The following SPOCK1 variants were observed in gnomAD, a reference collection of about 807,000 sequenced individuals.
SPOCK1 encodes testican-1.
A neutral mutation model predicts 55.3 loss-of-function variants in SPOCK1; 23 were observed. The ratio of observed to expected loss-of-function variants is 0.42; its 90% confidence interval spans 0.30 to 0.59. The LOEUF is 0.59. SPOCK1 is among the 20% of genes least tolerant of loss of function. The probability of loss-of-function intolerance (pLI) is 0.22; values close to 1 mark genes in which losing one functional copy is unlikely to be tolerated. For synonymous variants in SPOCK1, 226 were observed against 221.0 expected (o/e 1.02, Z -0.20); for missense variants, 499 against 552.5 (o/e 0.90, Z 0.97).
intron 2 of SPOCK1, among the ~76,000 whole-genome samples, chr5:137,348,654 C>T (rs1413579347): frequency 6.6e-6 from 1 of 152,028 alleles, no homozygotes; most frequent in Non-Finnish European, 1.5e-5. Context: ...GACCAAGTAT[C>T]AGAAATATGT....
intron 3 of SPOCK1, among the ~76,000 whole-genome samples, chr5:137,151,834 C>A (rs979269353): frequency 4.6e-5 from 7 of 152,204 alleles, no homozygotes; most frequent in African/African-American, 1.7e-4. Flanking sequence ...AAAGCATTTG[C>A]AGTTCCCCAG....
chr5:137,191,437 T>C (rs1755176587), intron 3 of SPOCK1, among the ~76,000 whole-genome samples: 1 of 151,806 alleles, frequency 6.6e-6, no homozygotes, highest in African/African-American at 2.4e-5. Flanking sequence ...CAGTAGACTC[T>C]AAGACACAAA....
chr5:137,140,087 TCCTGAGAA>T (rs1396863123), intron 4 of SPOCK1, among the ~76,000 whole-genome samples: 1 of 152,090 alleles, frequency 6.6e-6, no homozygotes, highest in Non-Finnish European at 1.5e-5. Flanking sequence ...GGTGTGGTGG[TCCTGAGAA>T]GGCAGGACCC....
rs1378484477 is a variant in SPOCK1 at position 136,977,514 on chromosome 5, A to G, written c.*1140T>C. The G allele has an allele frequency of 3.2e-6, 1 of 308,836 alleles. No homozygotes were observed. Among genetic ancestry groups the G allele is most frequent in the Non-Finnish European group, 5.9e-6 (1 of 170,334 alleles). The allele number at this position is 308,836 out of a possible 1,614,324, so 19.1% of individuals were successfully genotyped here. ...GCAAAACATTGAGTTCAGAATTAGA[A>G]ATTTTCTTCTTTTAAGGAACACCAT... On this transcript the variant is annotated 3_prime_UTR_variant, in exon 11 of 11. Transcript: ENST00000394945.
chr5:137,062,736 A>C (rs1364988017), intron 6 of SPOCK1, among the ~76,000 whole-genome samples: 3 of 150,346 alleles, frequency 2.0e-5, no homozygotes, highest in East Asian at 2.0e-4. Context: ...CCTGAAAAAA[A>C]CAAAAAAATG....
intron 2 of SPOCK1, among the ~76,000 whole-genome samples, chr5:137,485,379 G>T (rs780025719): frequency 2.0e-5 from 3 of 152,214 alleles, no homozygotes; most frequent in Non-Finnish European, 4.4e-5. Context: ...TTGGATGTAT[G>T]AGCTAGATTA....
At chr5:137,339,541 T>C (rs560129035) in intron 2 of SPOCK1, among the ~76,000 whole-genome samples, 8 of 152,294 alleles carry the variant, frequency 5.3e-5, no homozygotes, top group African/African-American at 9.6e-5. Flanking sequence ...CAGCTTCCAA[T>C]GGCATTTATG....
At chr5:137,498,699 G>T in intron 1 of SPOCK1, 141 bp from the exon 2 acceptor site, 6 of 559,146 alleles carry the variant, frequency 1.1e-5, no homozygotes, top group Non-Finnish European at 1.5e-5. Context: ...TGGGGCGCCT[G>T]TCGCGCCTCT....
chr5:137,396,433 T>C (rs757363661), intron 2 of SPOCK1, among the ~76,000 whole-genome samples: 6 of 152,222 alleles, frequency 3.9e-5, no homozygotes, highest in Non-Finnish European at 7.3e-5. Flanking sequence ...AAAACTAAGT[T>C]AGGGGTAAAG....
chr5:137,365,376 G>A (rs1751035818), intron 2 of SPOCK1: 1 of 152,234 alleles, frequency 6.6e-6, no homozygotes, highest in East Asian at 1.9e-4. Flanking sequence ...GCTTTCTCAA[G>A]CCTTTCTAAT....
intron 3 of SPOCK1, among the ~76,000 whole-genome samples, chr5:137,263,280 A>T (rs1756784137): frequency 1.3e-5 from 2 of 152,232 alleles, no homozygotes; most frequent in Admixed American, 1.3e-4. Flanking sequence ...TGAGCATGTG[A>T]ATCTTCAAGA....
At chr5:137,177,492 T>C (rs975305109) in intron 3 of SPOCK1, among the ~76,000 whole-genome samples, 1 of 150,812 alleles carries the variant, frequency 6.6e-6, no homozygotes, top group Non-Finnish European at 1.5e-5. Context: ...GAGAGGAAAG[T>C]ACAAAAAAGA....
At chr5:137,254,349 C>T (rs889569675) in intron 3 of SPOCK1, among the ~76,000 whole-genome samples, 3 of 152,088 alleles carry the variant, frequency 2.0e-5, no homozygotes, top group South Asian at 2.1e-4. Context: ...CCTGTATGTA[C>T]GCACTGTGGT....
At chr5:137,332,607 C>T (rs867709992) in intron 2 of SPOCK1, among the ~76,000 whole-genome samples, 14 of 152,186 alleles carry the variant, frequency 9.2e-5, no homozygotes, top group Admixed American at 4.6e-4. Flanking sequence ...GGATGTGCCA[C>T]GTTTTGTGCA....
At chr5:137,360,984 C>T (rs888943286) in intron 2 of SPOCK1, among the ~76,000 whole-genome samples, 1 of 152,132 alleles carries the variant, frequency 6.6e-6, no homozygotes, top group African/African-American at 2.4e-5. Flanking sequence ...AACCCTAGCC[C>T]CCAGTGTGAT....
intron 2 of SPOCK1, among the ~76,000 whole-genome samples, chr5:137,430,938 A>C (rs998701025): frequency 3.3e-5 from 5 of 152,188 alleles, no homozygotes; most frequent in Admixed American, 6.5e-5. Context: ...TGTCTGTAGA[A>C]ATCTGTTCAG....
At chr5:137,357,585 G>A (rs541879576) in intron 2 of SPOCK1, among the ~76,000 whole-genome samples, 2 of 152,170 alleles carry the variant, frequency 1.3e-5, no homozygotes, top group Non-Finnish European at 2.9e-5. Context: ...AGTAGGAGTT[G>A]CCAGGCAGAC....
At chr5:137,056,916 A>G (rs1752312413) in intron 6 of SPOCK1, among the ~76,000 whole-genome samples, 1 of 152,102 alleles carries the variant, frequency 6.6e-6, no homozygotes, top group South Asian at 2.1e-4. Flanking sequence ...TGTTCATTCA[A>G]GATCCTTCTA....
intron 2 of SPOCK1, among the ~76,000 whole-genome samples, chr5:137,278,148 T>A (rs1034229668): frequency 1.4e-4 from 22 of 152,156 alleles, no homozygotes; most frequent in African/African-American, 4.8e-4. Flanking sequence ...CCAAGGAACA[T>A]CTGGGAAAGA....
Sources: gnomAD v4.1 joint callset for allele counts (sites outside exome capture counted in the v4.1 genomes callset) on GRCh38, gnomAD v4.1.1 for gene constraint, MANE v1.5 for transcripts, NCBI Gene and HGNC (gene_info 2026-07-23, HGNC 2026-07-21) for gene names.